RSRC1: variants seen among roughly 807,000 people sequenced by gnomAD.
RSRC1 encodes arginine and serine rich coiled-coil 1, also known as serine/Arginine-related protein 53.
In RSRC1, 39 loss-of-function variants were observed where a neutral mutation model predicts 49.1. The ratio of observed to expected loss-of-function variants is 0.79; its 90% CI spans 0.61 to 1.04. RSRC1 has a LOEUF of 1.04. Ranked by LOEUF, RSRC1 falls within the 50% of genes least tolerant of loss-of-function variation. The pLI, the probability that RSRC1 is intolerant of heterozygous loss-of-function variation, is 0.00. For synonymous variants in RSRC1, 143 were observed against 130.8 expected, an observed-to-expected ratio of 1.09 and a Z score of -0.63; for missense variants, 388 against 402.4, an observed-to-expected ratio of 0.96 and a Z score of 0.31.
At chr3:158,212,444 T>C (rs1198045763) in intron 4 of RSRC1, among the ~76,000 whole-genome samples, 1 of 151,922 alleles carries the variant, frequency 6.6e-6, no homozygotes, top group African/African-American at 2.4e-5. Context: ...GTTAGTATCA[T>C]TTAGCATCAG....
intron 7 of RSRC1, among the ~76,000 whole-genome samples, chr3:158,464,981 C>A (rs935910409): frequency 2.0e-5 from 3 of 152,082 alleles, no homozygotes; most frequent in Non-Finnish European, 4.4e-5. Context: ...TAATATAATT[C>A]TCTCTCTTAT....
intron 4 of RSRC1, among the ~76,000 whole-genome samples, chr3:158,243,383 C>T (rs572767272): frequency 6.6e-6 from 1 of 152,198 alleles, no homozygotes; most frequent in African/African-American, 2.4e-5. Context: ...TCTGGGTTTT[C>T]TCTTCTCTTC....
At chr3:158,425,377 T>G (rs914186708) in intron 6 of RSRC1, among the ~76,000 whole-genome samples, 1 of 152,130 alleles carries the variant, frequency 6.6e-6, no homozygotes, top group Non-Finnish European at 1.5e-5. Flanking sequence ...AGTTTCCATG[T>G]AGTTGAACAG....
At chr3:158,309,944 T>C (rs1452427561) in intron 5 of RSRC1, among the ~76,000 whole-genome samples, 1 of 151,680 alleles carries the variant, frequency 6.6e-6, no homozygotes, top group East Asian at 1.9e-4. Context: ...TTAAGATATT[T>C]AGCTACCATG....
At chr3:158,474,311 G>A (rs962674956) in intron 7 of RSRC1, among the ~76,000 whole-genome samples, 24 of 152,164 alleles carry the variant, frequency 1.6e-4, no homozygotes, top group African/African-American at 5.8e-4. Context: ...TATTAAAAGT[G>A]TGCAATAGCA....
rs541832389 is a variant in RSRC1, at chr3:158,166,755, A to T, written c.321-36317A>T. Among the ~76,000 whole-genome samples, 3 of 152,326 alleles carry T rather than the reference A, an allele frequency of 2.0e-5. No individual in the cohort carries two copies. The South Asian group carries it at 6.2e-4, about 32-fold the overall frequency. ...TAGAAACAAATGGATTGAACTGTTTAATCTCTCAAATCAATCAACTTGTTC... is the reference window on the plus strand; with the variant it reads ...TAGAAACAAATGGATTGAACTGTTTTATCTCTCAAATCAATCAACTTGTTC... On this transcript the variant is annotated intron_variant, in intron 3 of 9. Transcript: ENST00000611884.
intron 7 of RSRC1, among the ~76,000 whole-genome samples, chr3:158,511,393 A>G (rs1315280236): frequency 6.6e-6 from 1 of 151,928 alleles, no homozygotes; most frequent in African/African-American, 2.4e-5. Flanking sequence ...TGTTCTTGCG[A>G]TAGTTTACTG....
intron 6 of RSRC1, among the ~76,000 whole-genome samples, chr3:158,375,189 A>G (rs892758842): frequency 2.0e-5 from 2 of 98,514 alleles, no homozygotes; most frequent in Non-Finnish European, 4.5e-5. Flanking sequence ...TATTATTATT[A>G]TTATTATTAT....
chr3:158,204,760 G>A (rs1335003944), intron 4 of RSRC1, among the ~76,000 whole-genome samples: 1 of 152,124 alleles, frequency 6.6e-6, no homozygotes, highest in African/African-American at 2.4e-5. Flanking sequence ...TTACATGGCT[G>A]TGGAAGAAAG....
At chr3:158,118,462 T>TGTGTGTGTGCGTGCGCGC (rs1491469875) in intron 1 of RSRC1, among the ~76,000 whole-genome samples, 1 of 124,682 alleles carries the variant, frequency 8.0e-6, no homozygotes. Flanking sequence ...TGTGTGTGTG[T>TGTGTGTGTGCGTGCGCGC]GCGCGTGCGC....
At chr3:158,359,115 A>C (rs543588658) in intron 6 of RSRC1, among the ~76,000 whole-genome samples, 1 of 152,246 alleles carries the variant, frequency 6.6e-6, no homozygotes, top group South Asian at 2.1e-4. Context: ...TTCTATGTTT[A>C]ATTTTCTGAG....
chr3:158,314,731 A>G (rs1346693019), intron 5 of RSRC1, among the ~76,000 whole-genome samples: 1 of 152,234 alleles, frequency 6.6e-6, no homozygotes. Context: ...TAAAATAAAC[A>G]TAGTTTAAGA....
chr3:158,392,254 G>T (rs1733348247), intron 6 of RSRC1, among the ~76,000 whole-genome samples: 1 of 152,058 alleles, frequency 6.6e-6, no homozygotes, highest in Non-Finnish European at 1.5e-5. Flanking sequence ...TACTACTGTG[G>T]CTATGAGAAT....
chr3:158,262,632 G>A (rs73029851), intron 4 of RSRC1, among the ~76,000 whole-genome samples: 1,809 of 152,194 alleles, frequency 0.012, 31 homozygotes, highest in African/African-American at 0.042. Context: ...ATTGAATTGA[G>A]TCTGTAGATC....
chr3:158,259,331 C>T (rs920331716), intron 4 of RSRC1, among the ~76,000 whole-genome samples: 16 of 152,090 alleles, frequency 1.1e-4, no homozygotes, highest in African/African-American at 1.7e-4. Context: ...CTTGTAGCCT[C>T]GTAGAGATAC....
chr3:158,118,462 T>TGTGTGTGCGCGCGCGCGCGC (rs1491469875), intron 1 of RSRC1, among the ~76,000 whole-genome samples: 3 of 124,680 alleles, frequency 2.4e-5, no homozygotes, highest in African/African-American at 3.3e-5. Flanking sequence ...TGTGTGTGTG[T>TGTGTGTGCGCGCGCGCGCGC]GCGCGTGCGC....
intron 3 of RSRC1, among the ~76,000 whole-genome samples, chr3:158,138,919 T>C (rs573733766): frequency 1.5e-4 from 23 of 152,206 alleles, no homozygotes; most frequent in Non-Finnish European, 3.4e-4. Flanking sequence ...AGTAAATAAT[T>C]CCTTAATTAT....
At chr3:158,264,430 G>A (rs141176517) in intron 4 of RSRC1, among the ~76,000 whole-genome samples, 468 of 152,168 alleles carry the variant, frequency 3.1e-3, no homozygotes, top group Middle Eastern at 0.01. Context: ...CTTCTTTTAT[G>A]GCTCAGAATA....
chr3:158,172,752 A>G (rs1342995544), intron 3 of RSRC1, among the ~76,000 whole-genome samples: 1 of 152,174 alleles, frequency 6.6e-6, no homozygotes, highest in African/African-American at 2.4e-5. Context: ...AGAAGCGGCT[A>G]GTAGTCTTTA....
Sources: allele counts gnomAD v4.1 joint callset (sites outside exome capture counted in the v4.1 genomes callset), GRCh38; gene constraint gnomAD v4.1.1; transcripts MANE v1.5; gene names NCBI Gene and HGNC (gene_info 2026-07-23, HGNC 2026-07-21).